SPAG16: variants seen among roughly 807,000 people sequenced by gnomAD.
SPAG16 encodes the protein sperm associated antigen 16.
A neutral mutation model predicts 80.4 loss-of-function variants in SPAG16; 86 were observed. The observed-to-expected ratio is 1.07, with a 90% CI of 0.90 to 1.28. The LOEUF is 1.28. Among genes scored for constraint, SPAG16 ranks in the 50% most tolerant of loss-of-function variants. The pLI is 0.00. For synonymous variants in SPAG16, 294 were observed against 265.9 expected (o/e 1.11, Z -1.03); for missense variants, 870 against 765.3 (o/e 1.14, Z -1.61).
At chr2:214,170,915 C>A (rs1351095205) in intron 15 of SPAG16, among the ~76,000 whole-genome samples, 1 of 151,972 alleles carries the variant, frequency 6.6e-6, no homozygotes, top group African/African-American at 2.4e-5. Flanking sequence ...AAACTCATAC[C>A]ACCTTCATCC....
At chr2:213,729,868 C>G (rs1277551975) in intron 10 of SPAG16, among the ~76,000 whole-genome samples, 1 of 152,190 alleles carries the variant, frequency 6.6e-6, no homozygotes, top group Non-Finnish European at 1.5e-5. Flanking sequence ...CATCAGTCCT[C>G]AGCTAGGCAG....
intron 6 of SPAG16, among the ~76,000 whole-genome samples, chr2:213,344,690 C>T (rs2064874616): frequency 6.6e-6 from 1 of 152,060 alleles, no homozygotes; most frequent in Non-Finnish European, 1.5e-5. Context: ...TCATCCATGT[C>T]CCTACAAAGG....
chr2:213,681,261 T>A (rs2064364081), intron 10 of SPAG16, among the ~76,000 whole-genome samples: 1 of 152,242 alleles, frequency 6.6e-6, no homozygotes, highest in Admixed American at 6.5e-5. Context: ...CCTTGTCTTG[T>A]AATGTTATGC....
intron 10 of SPAG16, among the ~76,000 whole-genome samples, chr2:213,692,321 G>C (rs1200647743): frequency 1.3e-5 from 2 of 152,094 alleles, no homozygotes; most frequent in Non-Finnish European, 2.9e-5. Flanking sequence ...AACATAATTT[G>C]AGTTGTGCAT....
intron 15 of SPAG16, among the ~76,000 whole-genome samples, chr2:214,335,016 A>C (rs1208592804): frequency 6.6e-6 from 1 of 152,230 alleles, no homozygotes; most frequent in African/African-American, 2.4e-5. Context: ...GGATGCTCGC[A>C]GGAAAAGAAC....
intron 8 of SPAG16, among the ~76,000 whole-genome samples, chr2:213,369,508 T>G (rs929296493): frequency 3.3e-5 from 5 of 152,192 alleles, no homozygotes; most frequent in Non-Finnish European, 7.4e-5. Context: ...CACACCTATC[T>G]GTACAATTAC....
chr2:214,122,971 T>TA (rs1464850541), intron 14 of SPAG16, among the ~76,000 whole-genome samples: 2 of 152,006 alleles, frequency 1.3e-5, no homozygotes, highest in African/African-American at 4.8e-5. Context: ...GCCCATCCTA[T>TA]ACTATGTGAT....
chr2:213,559,013 G>C (rs562486034), intron 10 of SPAG16, among the ~76,000 whole-genome samples: 8 of 152,142 alleles, frequency 5.3e-5, no homozygotes, highest in African/African-American at 1.9e-4. Context: ...AAAATAGATA[G>C]TAATTTCTTG....
At chr2:213,604,280 C>T (rs1352350187) in intron 10 of SPAG16, among the ~76,000 whole-genome samples, 2 of 152,172 alleles carry the variant, frequency 1.3e-5, no homozygotes, top group Non-Finnish European at 2.9e-5. Flanking sequence ...TGTCATTTCC[C>T]TTCAATTTCT....
chr2:213,849,792 A>T (rs1047220484), intron 10 of SPAG16, among the ~76,000 whole-genome samples: 1 of 152,250 alleles, frequency 6.6e-6, no homozygotes, highest in Non-Finnish European at 1.5e-5. Flanking sequence ...TGTCATTAAT[A>T]TAATAAGGAG....
intron 13 of SPAG16, among the ~76,000 whole-genome samples, chr2:214,081,074 ATATAT>A (rs1239473022): frequency 3.3e-5 from 5 of 151,526 alleles, no homozygotes; most frequent in Admixed American, 1.3e-4. Context: ...AAACATGGAC[ATATAT>A]TATGTACATA....
intron 10 of SPAG16, among the ~76,000 whole-genome samples, chr2:213,695,288 C>A (rs577414474): frequency 6.6e-6 from 1 of 152,310 alleles, no homozygotes; most frequent in Admixed American, 6.5e-5. Context: ...TCTTCACTTA[C>A]CTCATCTACC....
rs181592629 is a variant in SPAG16 at position 213,910,266 on chromosome 2, G to A, written c.1215-19694G>A. On this transcript the variant is annotated intron_variant, in intron 11 of 15. Transcript: ENST00000331683. ...TAATTTATTTTATTCCACTAGTTACGGAAATAGTGATAAACTATTCTACAT... is the reference window on the plus strand; with the variant it reads ...TAATTTATTTTATTCCACTAGTTACAGAAATAGTGATAAACTATTCTACAT... 5.3e-5 allele frequency among the ~76,000 whole-genome samples: 8 copies of A among 152,104 alleles called. No homozygotes were observed. In the East Asian group the frequency reaches 1.2e-3, roughly 22 times the overall value.
At chr2:213,588,841 A>AAAAAAAAAAAAAC (rs2060575670) in intron 10 of SPAG16, among the ~76,000 whole-genome samples, 1 of 141,302 alleles carries the variant, frequency 7.1e-6, no homozygotes, top group Non-Finnish European at 1.5e-5. Context: ...AAAAAAAAAA[A>AAAAAAAAAAAAAC]AAGACTCCCT....
chr2:213,310,479 T>A (rs1575153647), intron 4 of SPAG16, among the ~76,000 whole-genome samples: 1 of 152,026 alleles, frequency 6.6e-6, no homozygotes, highest in East Asian at 1.9e-4. Flanking sequence ...CTCCTGGAGT[T>A]ATAAAACACA....
chr2:214,172,736 A>G (rs1354333120), intron 15 of SPAG16, among the ~76,000 whole-genome samples: 1 of 151,828 alleles, frequency 6.6e-6, no homozygotes, highest in African/African-American at 2.4e-5. Context: ...AAGTGTTCCT[A>G]TTTCTCCACA....
At chr2:213,548,381 T>G (rs928827000) in intron 10 of SPAG16, among the ~76,000 whole-genome samples, 1 of 152,044 alleles carries the variant, frequency 6.6e-6, no homozygotes, top group East Asian at 1.9e-4. Flanking sequence ...CCCGGCTAAT[T>G]TTTGTATTTT....
intron 13 of SPAG16, among the ~76,000 whole-genome samples, chr2:214,086,332 A>G (rs1459415044): frequency 2.0e-5 from 3 of 152,212 alleles, no homozygotes; most frequent in African/African-American, 4.8e-5. Context: ...TTTATTATGT[A>G]CCAAGCAAGA....
At chr2:214,288,229 C>T (rs1300631632) in intron 15 of SPAG16, among the ~76,000 whole-genome samples, 1 of 152,152 alleles carries the variant, frequency 6.6e-6, no homozygotes, top group African/African-American at 2.4e-5. Flanking sequence ...CCAGTTCCAT[C>T]CATGTTACTG....
Sources: gnomAD v4.1 joint callset for allele counts (sites outside exome capture counted in the v4.1 genomes callset) on GRCh38, gnomAD v4.1.1 for gene constraint, MANE v1.5 for transcripts, NCBI Gene and HGNC (gene_info 2026-07-23, HGNC 2026-07-21) for gene names.